The following FIGN variants were observed in gnomAD, a reference collection of about 807,000 sequenced individuals.
The protein encoded by FIGN is fidgetin, microtubule severing factor.
FIGN carries 11 observed loss-of-function variants against 51.3 expected under a neutral mutation model. The observed-to-expected ratio is 0.21, with a 90% CI of 0.13 to 0.35. The LOEUF (loss-of-function observed/expected upper bound fraction) is 0.35. Among genes scored for constraint, FIGN ranks in the 10% least tolerant of loss-of-function variants. FIGN has a pLI of 1.00. For missense variants in FIGN, 857 were observed against 943.6 expected (o/e 0.91, Z 1.20); for synonymous variants, 407 against 363.2 (o/e 1.12, Z -1.37).
intron 2 of FIGN, among the ~76,000 whole-genome samples, chr2:163,688,363 T>C (rs1343357711): frequency 6.6e-6 from 1 of 152,194 alleles, no homozygotes; most frequent in African/African-American, 2.4e-5. Flanking sequence ...TTGAGAGCTA[T>C]ATTGAATGTT....
rs118173134 is a variant in FIGN at position 163,646,180 on chromosome 2, C to T, written c.26-34374G>A. Reference sequence around the variant, plus strand: ...ATGAATGAATCTGCTCAAAACCCTTCAACTCTATTATAAGATTAACTTGAC... The same window carrying T: ...ATGAATGAATCTGCTCAAAACCCTTTAACTCTATTATAAGATTAACTTGAC... On this transcript the variant is annotated intron_variant, in intron 2 of 2. Transcript: ENST00000333129. 1.5e-3 allele frequency among the ~76,000 whole-genome samples: 231 copies of T among 152,212 alleles called. 4 individuals are homozygous for T. In the East Asian group the frequency reaches 0.032, roughly 21 times the overall value.
In FIGN at chr2:163,627,090, A is replaced by G. The variant is rs532079743; in HGVS notation, c.26-15284T>C. 3.0e-4 allele frequency among the ~76,000 whole-genome samples: 45 copies of G among 152,274 alleles called. No homozygotes were observed. In the South Asian group the frequency reaches 8.3e-3, roughly 28 times the overall value. ...CAAGAAATGACTATAAGTATACTCA[A>G]TTGAACAGCTTATACTCCTGCTGTG... On this transcript the variant is annotated intron_variant, in intron 2 of 2. Transcript: ENST00000333129.
chr2:163,657,442 G>A (rs1400307871), intron 2 of FIGN, among the ~76,000 whole-genome samples: 2 of 152,000 alleles, frequency 1.3e-5, no homozygotes, highest in Non-Finnish European at 1.5e-5. Flanking sequence ...TGTGTCAGAA[G>A]AGGCATATCC....
intron 2 of FIGN, among the ~76,000 whole-genome samples, chr2:163,674,820 CA>C (rs534060603): frequency 1.2e-4 from 17 of 145,830 alleles, no homozygotes; most frequent in African/African-American, 2.0e-4. Context: ...ACATTCTTGA[CA>C]AAAAAAAAAT....
intron 2 of FIGN, among the ~76,000 whole-genome samples, chr2:163,716,079 G>GA (rs928391600): frequency 6.6e-6 from 1 of 152,180 alleles, no homozygotes; most frequent in Non-Finnish European, 1.5e-5. Flanking sequence ...ATTGGATGGT[G>GA]AACGAAACCA....
intron 2 of FIGN, among the ~76,000 whole-genome samples, chr2:163,624,367 G>A (rs1420881384): frequency 4.0e-5 from 6 of 150,378 alleles, no homozygotes; most frequent in African/African-American, 1.5e-4. Flanking sequence ...AACCAAATAG[G>A]AATGAATCAT....
chr2:163,686,830 G>A (rs1239628829), intron 2 of FIGN, among the ~76,000 whole-genome samples: 1 of 147,462 alleles, frequency 6.8e-6, no homozygotes, highest in Admixed American at 6.8e-5. Flanking sequence ...GATAAGTGTT[G>A]CCAAAATTAA....
chr2:163,710,202 G>C (rs1007761191), intron 2 of FIGN, among the ~76,000 whole-genome samples: 2 of 152,136 alleles, frequency 1.3e-5, no homozygotes, highest in African/African-American at 2.4e-5. Flanking sequence ...TTGTGTCAAT[G>C]AGCTACTTCC....
chr2:163,611,924 A>ACCCACC, intron 2 of FIGN, 118 bp from the exon 3 acceptor site: 1 of 454,722 alleles, frequency 2.2e-6, no homozygotes, highest in Non-Finnish European at 3.4e-6. Context: ...GCATACTTTA[A>ACCCACC]AAGATCTACA....
At chr2:163,628,339 CT>C (rs1434232051) in intron 2 of FIGN, among the ~76,000 whole-genome samples, 1 of 152,136 alleles carries the variant, frequency 6.6e-6, no homozygotes, top group East Asian at 1.9e-4. Flanking sequence ...GTTTCCTGCC[CT>C]TGACAAAAGT....
At chr2:163,713,214 A>T (rs1258091604) in intron 2 of FIGN, among the ~76,000 whole-genome samples, 1 of 152,170 alleles carries the variant, frequency 6.6e-6, no homozygotes, top group Non-Finnish European at 1.5e-5. Flanking sequence ...CTCCCACAGG[A>T]TCTGAATTTT....
intron 2 of FIGN, among the ~76,000 whole-genome samples, chr2:163,720,007 G>T (rs1395829854): frequency 2.0e-5 from 3 of 152,032 alleles, no homozygotes; most frequent in Non-Finnish European, 2.9e-5. Context: ...TAGCCCAGTT[G>T]TCCAACAGAA....
chr2:163,724,934 GT>G (rs944286034), intron 2 of FIGN, among the ~76,000 whole-genome samples: 7 of 151,758 alleles, frequency 4.6e-5, no homozygotes, highest in South Asian at 2.1e-4. Context: ...AACTGATAAG[GT>G]TTTTTTTACA....
chr2:163,688,341 G>T (rs1221339307), intron 2 of FIGN, among the ~76,000 whole-genome samples: 1 of 152,072 alleles, frequency 6.6e-6, no homozygotes, highest in Non-Finnish European at 1.5e-5. Flanking sequence ...ACAAAATGAA[G>T]ACATAATCTA....
intron 2 of FIGN, among the ~76,000 whole-genome samples, chr2:163,673,492 T>C (rs1683910750): frequency 1.3e-5 from 2 of 152,082 alleles, no homozygotes; most frequent in Non-Finnish European, 2.9e-5. Flanking sequence ...CCAAGATTAC[T>C]ATGCATTTCC....
intron 2 of FIGN, among the ~76,000 whole-genome samples, chr2:163,724,490 G>C (rs965071622): frequency 1.1e-4 from 16 of 151,204 alleles, no homozygotes; most frequent in African/African-American, 3.9e-4. Context: ...CTGGTGTAGG[G>C]CTTAGGCAAA....
chr2:163,669,214 CGTTTT>C (rs952182425), intron 2 of FIGN, among the ~76,000 whole-genome samples: 3 of 151,834 alleles, frequency 2.0e-5, no homozygotes, highest in Non-Finnish European at 4.4e-5. Flanking sequence ...ACTACTTCAG[CGTTTT>C]GTTTTGTTTA....
intron 2 of FIGN, among the ~76,000 whole-genome samples, chr2:163,720,027 TAGG>T (rs1455740937): frequency 2.0e-5 from 3 of 152,080 alleles, no homozygotes. Flanking sequence ...AAATGGGAAA[TAGG>T]AGCCATTTGT....
intron 2 of FIGN, among the ~76,000 whole-genome samples, chr2:163,659,372 G>C (rs1057485908): frequency 1.3e-5 from 2 of 152,114 alleles, no homozygotes; most frequent in Admixed American, 1.3e-4. Flanking sequence ...TAAACTACTA[G>C]AACAATCTGT....
Sources: gnomAD v4.1 joint callset for allele counts (sites outside exome capture counted in the v4.1 genomes callset) on GRCh38, gnomAD v4.1.1 for gene constraint, MANE v1.5 for transcripts, NCBI Gene and HGNC (gene_info 2026-07-23, HGNC 2026-07-21) for gene names.